SURF4: variants seen among roughly 807,000 people sequenced by gnomAD.
SURF4 encodes the protein surfeit 4.
In SURF4, 3 loss-of-function variants were observed where a neutral mutation model predicts 30.0. The ratio of observed to expected loss-of-function variants is 0.10; its 90% confidence interval spans 0.05 to 0.26. The LOEUF is 0.26. Among genes scored for constraint, SURF4 ranks in the 10% least tolerant of loss-of-function variants. The pLI is 1.00. For synonymous variants in SURF4, 143 were observed against 139.9 expected, an observed-to-expected ratio of 1.02 and a Z score of -0.16; for missense variants, 217 against 350.8, an observed-to-expected ratio of 0.62 and a Z score of 3.05.
intron 1 of SURF4, among the ~76,000 whole-genome samples, chr9:133,371,758 T>C (rs1837520557): frequency 6.6e-6 from 1 of 152,210 alleles, no homozygotes; most frequent in African/African-American, 2.4e-5. Flanking sequence ...AGCATGGTGT[T>C]CATCGGGACC....
chr9:133,377,585 C>G (rs917802920), upstream of SURF4, among the ~76,000 whole-genome samples: 1 of 152,146 alleles, frequency 6.6e-6, no homozygotes, highest in African/African-American at 2.4e-5. Flanking sequence ...ATCGCTTGAA[C>G]CCAGGAGGCA....
chr9:133,363,756 C>T lies in SURF4; in HGVS notation c.547G>A (p.Val183Ile). The change falls in exon 6 of 6, where the codon GTC (valine) becomes ATC (isoleucine). Residue 183 changes from valine to isoleucine, a missense_variant. Physicochemically the swap from Val to Ile is conservative, Grantham distance 29 (BLOSUM62 3). Coordinates refer to ENST00000371989, the MANE Select transcript of SURF4 (RefSeq NM_033161.4). This position sits in a 1 kb window ranked among gnomAD's most constrained non-coding sequence, Gnocchi z 4.3. ...LHFDASFFSIVQNIVGTALMI... is the reference protein window; with the variant it reads ...LHFDASFFSIIQNIVGTALMI... ...AGAGCTGTGCCCACGATGTTCTGGA[C>T]AATCTGCATAGGTTGAAACGTAAGA... is the stretch of plus-strand genomic sequence containing the variant. 6.2e-7 allele frequency: 1 copy of T among 1,614,048 alleles called. No individual in the cohort carries two copies. Among genetic ancestry groups the T allele is most frequent in the Non-Finnish European group, 8.5e-7 (1 of 1,179,964 alleles).
chr9:133,376,192 C>T (rs998352486), upstream of SURF4: 1 of 1,270,124 alleles, frequency 7.9e-7, no homozygotes, highest in East Asian at 3.3e-5. Flanking sequence ...CATCCCCAGC[C>T]TCCCGACCCA....
At position 133,361,523 on chromosome 9, in the gene SURF4, CAACT is replaced by C. The variant is rs924581129; in HGVS notation, c.*1966_*1969del. The C allele has an allele frequency of 2.4e-5, 4 of 169,058 alleles. No individual in the cohort carries two copies. Among genetic ancestry groups the C allele is most frequent in the Non-Finnish European group, 5.2e-5 (4 of 77,394 alleles). The allele number at this position is 169,058 out of a possible 1,614,324, so 10.5% of individuals were successfully genotyped here. On this transcript the variant is annotated 3_prime_UTR_variant, in exon 6 of 6. Transcript: ENST00000371989. ...CCAAAAATCAAAACGTTTTCAAACA[CAACT>C]AAGATATAAAATACAGCATAAAATG...
chr9:133,368,965 T>C (rs1372997934), intron 1 of SURF4, among the ~76,000 whole-genome samples: 2 of 152,204 alleles, frequency 1.3e-5, no homozygotes, highest in Non-Finnish European at 2.9e-5. Context: ...AAACCTACTG[T>C]TGGAACAAAG....
chr9:133,373,909 C>CAAAAAAA (rs2130215856), intron 1 of SURF4, among the ~76,000 whole-genome samples: 1,740 of 47,432 alleles, frequency 0.037, 198 homozygotes, highest in Non-Finnish European at 0.061. Flanking sequence ...AATTCTGTCT[C>CAAAAAAA]AAAAAAAAAA....
rs1588701045 is a variant in SURF4, at chr9:133,361,784, CCAAT to C, written c.*1705_*1708del. On this transcript the variant is annotated 3_prime_UTR_variant, in exon 6 of 6. Coordinates refer to ENST00000371989, the MANE Select transcript of SURF4 (RefSeq NM_033161.4). Reference sequence around the variant, plus strand: ...CTCCTTTGGTCCACCCTACTTTCCACCAATCAGCCAACCAACCTTGACCACAGAG... The same window carrying C: ...CTCCTTTGGTCCACCCTACTTTCCACCAGCCAACCAACCTTGACCACAGAG... 6.6e-6 allele frequency: 1 copy of C among 152,378 alleles called. No individual in the cohort carries two copies. The highest frequency in any genetic ancestry group is 1.9e-4 in the East Asian group (1 of 5,190). 9.4% of individuals were successfully genotyped at this position (152,378 alleles called of 1,614,324 possible).
chr9:133,366,667 C>T lies in SURF4; in HGVS notation c.244G>A (p.Val82Ile), dbSNP rs2130130648. 2.4e-5 allele frequency: 39 copies of T among 1,613,584 alleles called. No individual in the cohort carries two copies. The highest frequency in any genetic ancestry group is 1.1e-4 in the East Asian group (5 of 44,886). ...ACGAAGTTCCTGCTCAACACCAGGA[C>T]GCAGCCAGCTGGAGAGAAGGACAAG... ...LNLLGQLTGC[V>I]LVLSRNFVQY... The change falls in exon 3 of 6, where the codon GTC becomes ATC. Residue 82 changes from valine (V) to isoleucine (I), a missense_variant. Val to Ile is a conservative substitution (Grantham distance 29, BLOSUM62 3). Transcript: ENST00000371989.
chr9:133,367,618 T>C, intron 1 of SURF4, 173 bp from the exon 2 acceptor site: 1 of 1,482,652 alleles, frequency 6.7e-7, no homozygotes, highest in Non-Finnish European at 9.0e-7. Context: ...TGCTTGCTCC[T>C]GAGCGCTACC....
Position 133,363,864 on chromosome 9 carries a change from GGCTGATGTAGCTACT to G in SURF4, c.544-120_544-106del, listed in dbSNP as rs2130095058. 2.6e-5 allele frequency: 37 copies of G among 1,421,632 alleles called. No homozygotes were observed. Among genetic ancestry groups the G allele is most frequent in the Non-Finnish European group, 1.5e-5 (15 of 1,018,886 alleles). The allele number at this position is 1,421,632 out of a possible 1,614,324, so 88.1% of individuals were successfully genotyped here. On this transcript the variant is annotated intron_variant, in intron 5 of 5. Transcript: ENST00000371989. This position sits in a 1 kb window ranked among gnomAD's most constrained non-coding sequence, Gnocchi z 4.3. ...CACGTCATGAAGTCTCTATCCATCA[GGCTGATGTAGCTACT>G]GCTGAGACGGCTGCTGGTGCAAGTA... is the stretch of plus-strand genomic sequence containing the variant.
chr9:133,376,365 T>A, upstream of SURF4: 1 of 1,397,542 alleles, frequency 7.2e-7, no homozygotes. Context: ...GAGGGACGCC[T>A]GAGTGCCTCG....
intron 1 of SURF4, among the ~76,000 whole-genome samples, chr9:133,374,416 C>T (rs965040105): frequency 2.0e-5 from 3 of 151,670 alleles, no homozygotes; most frequent in East Asian, 1.9e-4. Context: ...ACAAAATTGG[C>T]TGGGTGTGAC....
In SURF4 at chr9:133,363,806, G is replaced by A; in HGVS notation, c.544-47C>T. The A allele has an allele frequency of 6.2e-7, 1 of 1,610,682 alleles. No homozygotes were observed. Among genetic ancestry groups the A allele is most frequent in the Non-Finnish European group, 8.5e-7 (1 of 1,177,368 alleles). On this transcript the variant is annotated intron_variant, in intron 5 of 5. Transcript: ENST00000371989. The surrounding 1 kb of genome is among the most constrained non-coding windows in gnomAD (Gnocchi z 4.3). Reference sequence around the variant, plus strand: ...AAATTCAAAATAAATGTGAGGAAAAGAGATGCTTTATAAACAAAAGTTCCA... The same window carrying A: ...AAATTCAAAATAAATGTGAGGAAAAAAGATGCTTTATAAACAAAAGTTCCA...
At position 133,375,811 on chromosome 9, in the gene SURF4, G is replaced by A. The variant is rs1367844541; in HGVS notation, c.48+111C>T. On this transcript the variant is annotated intron_variant, in intron 1 of 5. Coordinates refer to ENST00000371989, the MANE Select transcript of SURF4 (RefSeq NM_033161.4). ...CGGGGGGGTCCCCCTGTGGGAACAA[G>A]GAGTCAGGGGGCGGCCCGGGCCTGG... 13 of 1,093,944 alleles carry A rather than the reference G, an allele frequency of 1.2e-5. No homozygotes were observed. In the South Asian group the frequency reaches 4.1e-4, roughly 34 times the overall value. 67.8% of individuals were successfully genotyped at this position (1,093,944 alleles called of 1,614,324 possible).
chr9:133,376,574 C>A, upstream of SURF4: 1 of 1,577,170 alleles, frequency 6.3e-7, no homozygotes. Context: ...CCGAGTGTTC[C>A]CTGCGGGGAG....
At chr9:133,373,866 C>T (rs186749800) in intron 1 of SURF4, among the ~76,000 whole-genome samples, 4 of 132,436 alleles carry the variant, frequency 3.0e-5, no homozygotes, top group East Asian at 2.2e-4. Flanking sequence ...TGCAGTGAGC[C>T]GAGATCGCAC....
Position 133,365,593 on chromosome 9 carries a change from C to CA in SURF4, c.356+391dup, listed in dbSNP as rs2130118464. Among the ~76,000 whole-genome samples the CA allele has an allele frequency of 2.3e-4, 35 of 151,956 alleles. No homozygotes were observed. In the South Asian group the frequency reaches 5.2e-3, roughly 23 times the overall value. On this transcript the variant is annotated intron_variant, in intron 4 of 5. Transcript: ENST00000371989. ...GCTAAAAAATAAAACTTAAAAATCA[C>CA]AAAAAAAACTCTCAATGTTTTAAGA...
At chr9:133,374,390 T>TAA (rs1328793744) in intron 1 of SURF4, among the ~76,000 whole-genome samples, 1 of 140,598 alleles carries the variant, frequency 7.1e-6, no homozygotes, top group African/African-American at 2.6e-5. Context: ...CTGTTTCTAC[T>TAA]AAAAAAAAAA....
intron 5 of SURF4, 100 bp downstream of exon 5, chr9:133,364,740 G>T: frequency 1.7e-6 from 2 of 1,160,730 alleles, no homozygotes; most frequent in Non-Finnish European, 2.4e-6. Flanking sequence ...CCCCCAGGCT[G>T]TGGTTAATAC....
Sources: allele counts gnomAD v4.1 joint callset (sites outside exome capture counted in the v4.1 genomes callset), GRCh38; gene constraint gnomAD v4.1.1; non-coding constraint Gnocchi (gnomAD v3.1); transcripts MANE v1.5; gene names NCBI Gene and HGNC (gene_info 2026-07-23, HGNC 2026-07-21).